Variants in KDM7A observed in about 807,000 individuals in gnomAD.
KDM7A encodes lysine-specific demethylase 7A.
Under a neutral mutation model 114.8 loss-of-function variants are expected in KDM7A, and 28 were observed. The observed-to-expected ratio is 0.24, with a 90% confidence interval of 0.18 to 0.33. The LOEUF is 0.33. Among genes scored for constraint, KDM7A ranks in the 10% least tolerant of loss-of-function variants. KDM7A has a pLI of 1.00. For synonymous variants in KDM7A, 423 were observed against 397.8 expected, an observed-to-expected ratio of 1.06 and a Z score of -0.75; for missense variants, 942 against 1,142.5, an observed-to-expected ratio of 0.82 and a Z score of 2.53.
At chr7:140,109,044 C>T (rs1818390052) in intron 11 of KDM7A, among the ~76,000 whole-genome samples, 1 of 152,150 alleles carries the variant, frequency 6.6e-6, no homozygotes. Flanking sequence ...GTGACCAAGG[C>T]TCCGTGGGTG....
chr7:140,140,523 C>T (rs1377420221), intron 1 of KDM7A, among the ~76,000 whole-genome samples: 5 of 152,150 alleles, frequency 3.3e-5, no homozygotes, highest in African/African-American at 7.2e-5. Flanking sequence ...CACCCGTAAT[C>T]CCAGCACTTT....
chr7:140,149,366 T>C lies in KDM7A; in HGVS notation c.195-10176A>G, dbSNP rs552403707. On this transcript the variant is annotated intron_variant, in intron 1 of 19. Transcript: ENST00000397560. ...TTTTGCTCTTTACTGCCTGACATCT[T>C]GGACACAGAGTAACTGGCAATGCAA... Among the ~76,000 whole-genome samples, 5 of 152,334 alleles carry C rather than the reference T, an allele frequency of 3.3e-5. No homozygotes were observed. The South Asian group carries it at 8.3e-4, about 25-fold the overall frequency.
intron 1 of KDM7A, among the ~76,000 whole-genome samples, chr7:140,168,060 C>T (rs1472620477): frequency 6.6e-6 from 1 of 152,114 alleles, no homozygotes; most frequent in Non-Finnish European, 1.5e-5. Context: ...AACATAGATA[C>T]CATTTTCCAT....
chr7:140,150,562 G>A (rs916639024), intron 1 of KDM7A, among the ~76,000 whole-genome samples: 2 of 152,174 alleles, frequency 1.3e-5, no homozygotes, highest in African/African-American at 2.4e-5. Context: ...GTTTGTATGC[G>A]ATCCCCTCAT....
chr7:140,174,086 C>G (rs1458717621), intron 1 of KDM7A, among the ~76,000 whole-genome samples: 1 of 151,770 alleles, frequency 6.6e-6, no homozygotes, highest in Admixed American at 6.6e-5. Context: ...ATCACTTGAA[C>G]CCGGGAGGCG....
Position 140,176,005 on chromosome 7 carries a change from C to A in KDM7A, c.194+739G>T, listed in dbSNP as rs1794701270. 6.6e-6 allele frequency among the ~76,000 whole-genome samples: 1 copy of A among 152,064 alleles called. No individual in the cohort carries two copies. The highest frequency in any genetic ancestry group is 2.4e-5 in the African/African-American group (1 of 41,440). ...CCGGCGACCCGGGTGTGTGCGGGGG[C>A]CCAGGACCGCGACCCGGGTCAACCT... On this transcript the variant is annotated intron_variant, in intron 1 of 19. Coordinates refer to ENST00000397560, the MANE Select transcript of KDM7A (RefSeq NM_030647.2). This position sits in a 1 kb window ranked among gnomAD's most constrained non-coding sequence, Gnocchi z 4.4.
rs1247166546 is a variant in KDM7A at position 140,088,498 on chromosome 7, G to A, written c.*2596C>T. 1.8e-5 allele frequency: 7 copies of A among 398,256 alleles called. No homozygotes were observed. The highest frequency in any genetic ancestry group is 2.7e-5 in the Non-Finnish European group (6 of 225,892). 24.7% of individuals were successfully genotyped at this position (398,256 alleles called of 1,614,324 possible). A position where few individuals can be genotyped will look rare whatever the true frequency, so the allele number is the denominator to read the frequency against. On this transcript the variant is annotated 3_prime_UTR_variant, in exon 20 of 20. Transcript: ENST00000397560. ...GTTGCTGTGTCTGTATGGTATAAAT[G>A]AGGTTCTCTATTACTGTTAAGCCCA... is the stretch of plus-strand genomic sequence containing the variant.
intron 1 of KDM7A, among the ~76,000 whole-genome samples, chr7:140,153,427 A>G (rs1794423205): frequency 6.6e-6 from 1 of 151,714 alleles, no homozygotes; most frequent in Non-Finnish European, 1.5e-5. Context: ...CGGAGCTTGC[A>G]GTGAGCCGAG....
intron 9 of KDM7A, among the ~76,000 whole-genome samples, chr7:140,116,304 TCTAG>T (rs1354156729): frequency 6.6e-6 from 1 of 151,908 alleles, no homozygotes. Flanking sequence ...AACAGAATAC[TCTAG>T]CAATGAAAAA....
intron 11 of KDM7A, among the ~76,000 whole-genome samples, chr7:140,110,245 T>C (rs1042796435): frequency 2.0e-4 from 31 of 152,358 alleles, no homozygotes; most frequent in African/African-American, 6.5e-4. Flanking sequence ...TTATCATGCA[T>C]GAGATTTATA....
At chr7:140,127,806 C>T (rs1196148391) in intron 4 of KDM7A, among the ~76,000 whole-genome samples, 1 of 152,140 alleles carries the variant, frequency 6.6e-6, no homozygotes, top group Non-Finnish European at 1.5e-5. Context: ...GACAGAGCTG[C>T]ACAATTTACA....
At chr7:140,105,635 A>C (rs1818323961) in intron 11 of KDM7A, among the ~76,000 whole-genome samples, 1 of 152,168 alleles carries the variant, frequency 6.6e-6, no homozygotes, top group African/African-American at 2.4e-5. Context: ...CCAGGGATGA[A>C]GCTGACTTGA....
intron 2 of KDM7A, among the ~76,000 whole-genome samples, chr7:140,135,872 C>A (rs187793827): frequency 6.6e-6 from 1 of 150,876 alleles, no homozygotes; most frequent in East Asian, 1.9e-4. Context: ...TATTTCATAC[C>A]CCTGGGTTAA....
At chr7:140,139,429 A>G (rs577330173) in intron 1 of KDM7A, among the ~76,000 whole-genome samples, 1 of 152,346 alleles carries the variant, frequency 6.6e-6, no homozygotes, top group East Asian at 1.9e-4. Context: ...TAGAGACATC[A>G]GAAATACTGC....
In KDM7A at chr7:140,098,905, T is replaced by A; in HGVS notation, c.1892A>T (p.His631Leu). 1 of 1,612,904 alleles carries A rather than the reference T, an allele frequency of 6.2e-7. No homozygotes were observed. The highest frequency in any genetic ancestry group is 8.5e-7 in the Non-Finnish European group (1 of 1,179,582). Reference protein sequence around the residue: ...EESSGVEGVEHEESQKPLNGF... With the variant: ...EESSGVEGVELEESQKPLNGF... ...ATTCAGTGGTTTTTGAGATTCTTCATGTTCCACTCCCTCTACTCCTGAACT... is the reference window on the plus strand; with the variant it reads ...ATTCAGTGGTTTTTGAGATTCTTCAAGTTCCACTCCCTCTACTCCTGAACT... Residue 631 changes from histidine (H) to leucine (L), a missense_variant, in exon 14 of 20, where the codon CAT becomes CTT. By Grantham distance (99) the His-to-Leu change is moderately conservative (BLOSUM62 -3). Transcript: ENST00000397560.
chr7:140,152,688 T>C (rs2116837932), intron 1 of KDM7A, among the ~76,000 whole-genome samples: 1 of 151,226 alleles, frequency 6.6e-6, no homozygotes, highest in East Asian at 1.9e-4. Flanking sequence ...GCAAAATAGG[T>C]GACGCTGAGT....
intron 18 of KDM7A, among the ~76,000 whole-genome samples, chr7:140,093,647 T>C (rs1201655207): frequency 6.6e-6 from 1 of 152,248 alleles, no homozygotes; most frequent in East Asian, 1.9e-4. Flanking sequence ...ATCATGAATG[T>C]ATTTTCTAGA....
intron 9 of KDM7A, among the ~76,000 whole-genome samples, chr7:140,118,421 CT>C (rs967169618): frequency 3.5e-4 from 51 of 145,952 alleles, no homozygotes; most frequent in East Asian, 1.4e-3. Flanking sequence ...CATAACCTGA[CT>C]TTTTTTTTTT....
intron 7 of KDM7A, among the ~76,000 whole-genome samples, chr7:140,122,755 T>C (rs1250109043): frequency 2.0e-5 from 3 of 152,248 alleles, no homozygotes; most frequent in African/African-American, 7.2e-5. Flanking sequence ...CAGTCCTTTC[T>C]TTGAGGGTCT....
Sources: allele counts gnomAD v4.1 joint callset (sites outside exome capture counted in the v4.1 genomes callset), GRCh38; gene constraint gnomAD v4.1.1; non-coding constraint Gnocchi (gnomAD v3.1); transcripts MANE v1.5; gene names NCBI Gene and HGNC (gene_info 2026-07-23, HGNC 2026-07-21).